The following PGM5 variants were observed in gnomAD, a reference collection of about 807,000 sequenced individuals.
PGM5 encodes the protein phosphoglucomutase-like protein 5.
Under a neutral mutation model 59.2 loss-of-function variants are expected in PGM5, and 23 were observed. That is an observed-to-expected ratio of 0.39 (90% CI 0.28 to 0.55). The LOEUF (loss-of-function observed/expected upper bound fraction) is 0.55, where lower values mean the gene tolerates loss of function less well. PGM5 is among the 20% of genes least tolerant of loss of function. The probability of loss-of-function intolerance (pLI) is 0.66; values close to 1 mark genes in which losing one functional copy is unlikely to be tolerated. For synonymous variants in PGM5, 214 were observed against 286.0 expected, an observed-to-expected ratio of 0.75 and a Z score of 2.54; for missense variants, 574 against 748.3, an observed-to-expected ratio of 0.77 and a Z score of 2.72.
intron 7 of PGM5, chr9:68,466,276 T>G (rs1554685806): frequency 6.5e-5 from 63 of 968,524 alleles, no homozygotes; most frequent in Non-Finnish European, 5.7e-5. Flanking sequence ...GTGTGTTTTT[T>G]TTTTTTTTTT....
chr9:68,478,972 C>A (rs1476276367), intron 7 of PGM5, among the ~76,000 whole-genome samples: 1 of 152,152 alleles, frequency 6.6e-6, no homozygotes, highest in African/African-American at 2.4e-5. Flanking sequence ...AAGCACTTGT[C>A]CTTATTTGAT....
chr9:68,504,631 A>T (rs1012987375), intron 10 of PGM5, among the ~76,000 whole-genome samples: 1 of 152,152 alleles, frequency 6.6e-6, no homozygotes. Flanking sequence ...GCCACCTAAT[A>T]TAAAATAGCC....
At chr9:68,511,055 T>G (rs528560385) in intron 10 of PGM5, among the ~76,000 whole-genome samples, 15 of 152,304 alleles carry the variant, frequency 9.8e-5, no homozygotes, top group African/African-American at 3.6e-4. Context: ...GGTAAATGTC[T>G]CTTATTAGAC....
At chr9:68,410,275 T>C (rs1822905084) in intron 6 of PGM5, among the ~76,000 whole-genome samples, 1 of 152,134 alleles carries the variant, frequency 6.6e-6, no homozygotes, top group Non-Finnish European at 1.5e-5. Context: ...CCAAGGGAAG[T>C]TGTGAAATGG....
chr9:68,403,747 G>A (rs868968328), intron 6 of PGM5, among the ~76,000 whole-genome samples: 4 of 152,094 alleles, frequency 2.6e-5, no homozygotes, highest in African/African-American at 4.8e-5. Context: ...ATTATACTCC[G>A]AGTGAAAGTC....
At chr9:68,378,399 C>A (rs199752468) in intron 2 of PGM5, 38 bp downstream of exon 2, 10 of 1,543,564 alleles carry the variant, frequency 6.5e-6, no homozygotes, top group South Asian at 4.8e-5. Context: ...ATTACGATTT[C>A]TTTCCTCTTA....
At chr9:68,501,019 TAGA>T (rs1376226318) in intron 10 of PGM5, among the ~76,000 whole-genome samples, 1 of 152,136 alleles carries the variant, frequency 6.6e-6, no homozygotes, top group Non-Finnish European at 1.5e-5. Context: ...AGCCTACTCT[TAGA>T]AGGTCATGTG....
chr9:68,479,887 C>T (rs1176712075), intron 8 of PGM5, among the ~76,000 whole-genome samples: 1 of 148,984 alleles, frequency 6.7e-6, no homozygotes, highest in Non-Finnish European at 1.5e-5. Context: ...CCCGCCACTG[C>T]ACTCCAGCCT....
Position 68,393,563 on chromosome 9 carries a change from G to A in PGM5, c.1043+1090G>A, listed in dbSNP as rs4111293. Among the ~76,000 whole-genome samples the A allele has an allele frequency of 4.1e-3, 625 of 152,090 alleles. 6 individuals carry two copies. Among genetic ancestry groups the A allele is most frequent in the African/African-American group, 0.014 (591 of 41,514 alleles). ...GAATTCAAGACCAGCCTGGATAATA[G>A]AGCAAAACCCTGTCTCTACAAAAAA... On this transcript the variant is annotated intron_variant, in intron 6 of 10. Coordinates refer to ENST00000396396, the MANE Select transcript of PGM5 (RefSeq NM_021965.4).
At chr9:68,465,642 G>A (rs1435480787) in intron 7 of PGM5, among the ~76,000 whole-genome samples, 1 of 152,084 alleles carries the variant, frequency 6.6e-6, no homozygotes, top group African/African-American at 2.4e-5. Flanking sequence ...TTAAATATAA[G>A]GGCTCTTGTT....
At position 68,482,202 on chromosome 9, in the gene PGM5, C is replaced by G. The variant is rs116441525; in HGVS notation, c.1296-1663C>G. The stretch of plus-strand genomic sequence containing the variant: ...CAACCCTAGACTGAACGTGATCTAT[C>G]ATATTAGTGGATTTTTTTCAACTCC... On this transcript the variant is annotated intron_variant, in intron 8 of 10. Transcript: ENST00000396396. Among the ~76,000 whole-genome samples the G allele has an allele frequency of 8.1e-3, 1,228 of 152,170 alleles. 17 individuals carry two copies. The highest frequency in any genetic ancestry group is 0.027 in the African/African-American group (1,127 of 41,526).
At chr9:68,481,656 T>TTTA (rs1824198456) in intron 8 of PGM5, among the ~76,000 whole-genome samples, 1 of 152,232 alleles carries the variant, frequency 6.6e-6, no homozygotes, top group Admixed American at 6.5e-5. Flanking sequence ...GGTAACTGTA[T>TTTA]TTATAATGTA....
intron 7 of PGM5, among the ~76,000 whole-genome samples, chr9:68,469,699 A>G (rs1470232835): frequency 6.6e-6 from 1 of 152,214 alleles, no homozygotes; most frequent in African/African-American, 2.4e-5. Context: ...GCCCATGTCT[A>G]TCTTTCTCAG....
intron 6 of PGM5, among the ~76,000 whole-genome samples, chr9:68,399,853 C>T (rs1286503908): frequency 1.3e-5 from 2 of 152,056 alleles, no homozygotes; most frequent in African/African-American, 2.4e-5. Context: ...TAAATAGCAA[C>T]TTTTCTAATT....
At chr9:68,489,719 G>A (rs781801039) in intron 9 of PGM5, among the ~76,000 whole-genome samples, 5 of 151,794 alleles carry the variant, frequency 3.3e-5, no homozygotes, top group Non-Finnish European at 5.9e-5. Context: ...CGCCCACCTC[G>A]GCCTCCCAAA....
At chr9:68,422,923 G>T (rs1554682452) in intron 6 of PGM5, among the ~76,000 whole-genome samples, 1 of 151,998 alleles carries the variant, frequency 6.6e-6, no homozygotes, top group Non-Finnish European at 1.5e-5. Flanking sequence ...TCATTCTTAT[G>T]CCTTTGCATC....
chr9:68,434,509 T>C (rs1005819740), intron 6 of PGM5, among the ~76,000 whole-genome samples: 13 of 151,906 alleles, frequency 8.6e-5, no homozygotes, highest in African/African-American at 3.1e-4. Context: ...AAACCTGGTG[T>C]TAAAATTGTG....
chr9:68,433,081 T>C (rs1432686422), intron 6 of PGM5, among the ~76,000 whole-genome samples: 1 of 152,222 alleles, frequency 6.6e-6, no homozygotes, highest in African/African-American at 2.4e-5. Flanking sequence ...TGCCTTAGTG[T>C]TTCTATACTA....
intron 9 of PGM5, among the ~76,000 whole-genome samples, chr9:68,491,552 C>A (rs1824389654): frequency 6.6e-6 from 1 of 152,186 alleles, no homozygotes; most frequent in African/African-American, 2.4e-5. Flanking sequence ...GACAGTCGGG[C>A]TCTGTATTGC....
Sources: allele counts gnomAD v4.1 joint callset (sites outside exome capture counted in the v4.1 genomes callset), GRCh38; gene constraint gnomAD v4.1.1; transcripts MANE v1.5; gene names NCBI Gene and HGNC (gene_info 2026-07-23, HGNC 2026-07-21).